Variants in WWOX observed in about 807,000 individuals in gnomAD.
WWOX encodes WW domain-containing oxidoreductase.
WWOX carries 69 observed loss-of-function variants against 46.2 expected under a neutral mutation model. That is an observed-to-expected ratio of 1.49 (90% CI 1.23 to 1.82). The LOEUF (loss-of-function observed/expected upper bound fraction) is 1.82, where lower values mean the gene tolerates loss of function less well. WWOX is among the 40% of genes most tolerant of loss of function. The probability of loss-of-function intolerance (pLI) is 0.00; values close to 1 mark genes in which losing one functional copy is unlikely to be tolerated. For missense variants in WWOX, 919 were observed against 542.6 expected (o/e 1.69, Z -6.89); for synonymous variants, 359 against 202.6 (o/e 1.77, Z -6.56).
intron 5 of WWOX, among the ~76,000 whole-genome samples, chr16:78,246,224 T>C (rs892412771): frequency 6.6e-6 from 1 of 152,222 alleles, no homozygotes. Context: ...TGTTATTACA[T>C]GGAATTAAAT....
At chr16:78,709,873 C>CA (rs1156530054) in intron 8 of WWOX, among the ~76,000 whole-genome samples, 1 of 151,912 alleles carries the variant, frequency 6.6e-6, no homozygotes, top group Non-Finnish European at 1.5e-5. Context: ...GGATTACAGG[C>CA]ACCCGCCACC....
At chr16:79,162,433 A>T (rs1230281489) in intron 8 of WWOX, among the ~76,000 whole-genome samples, 1 of 152,144 alleles carries the variant, frequency 6.6e-6, no homozygotes, top group Non-Finnish European at 1.5e-5. Context: ...CTTCTTCTGG[A>T]TTCCGTAGGT....
At chr16:79,075,320 C>T (rs993224296) in intron 8 of WWOX, among the ~76,000 whole-genome samples, 7 of 152,146 alleles carry the variant, frequency 4.6e-5, no homozygotes, top group Non-Finnish European at 7.3e-5. Context: ...GTTCAAGACA[C>T]CGGCAGATCA....
chr16:78,968,594 T>C (rs2046409840), intron 8 of WWOX, among the ~76,000 whole-genome samples: 2 of 152,198 alleles, frequency 1.3e-5, no homozygotes, highest in South Asian at 4.1e-4. Context: ...GGGGCAGGCT[T>C]TTCCCAAGGA....
intron 5 of WWOX, among the ~76,000 whole-genome samples, chr16:78,309,322 C>T (rs2080192882): frequency 1.3e-5 from 2 of 152,218 alleles, no homozygotes; most frequent in Admixed American, 6.5e-5. Flanking sequence ...TTTGCTTCCA[C>T]TCTGCCCTGA....
intron 8 of WWOX, among the ~76,000 whole-genome samples, chr16:78,862,433 A>G (rs559003737): frequency 3.3e-5 from 5 of 151,974 alleles, no homozygotes; most frequent in South Asian, 4.1e-4. Context: ...AATACAGTGT[A>G]TAATGTATAT....
chr16:78,562,153 G>C (rs1212855797), intron 8 of WWOX, among the ~76,000 whole-genome samples: 4 of 152,144 alleles, frequency 2.6e-5, no homozygotes, highest in African/African-American at 9.7e-5. Context: ...TTTGATCCAA[G>C]CTCTCTGGAA....
intron 5 of WWOX, among the ~76,000 whole-genome samples, chr16:78,265,078 C>G (rs2079334788): frequency 6.7e-6 from 1 of 150,070 alleles, no homozygotes; most frequent in Non-Finnish European, 1.5e-5. Context: ...TCAGCTCACT[C>G]CAACCTCTGC....
At chr16:78,455,913 G>C (rs1236702206) in intron 8 of WWOX, among the ~76,000 whole-genome samples, 3 of 152,146 alleles carry the variant, frequency 2.0e-5, no homozygotes, top group Non-Finnish European at 4.4e-5. Context: ...TAGTATTTGT[G>C]TTAACATTAT....
intron 8 of WWOX, among the ~76,000 whole-genome samples, chr16:79,138,657 T>C (rs533590878): frequency 1.3e-5 from 2 of 152,204 alleles, no homozygotes; most frequent in African/African-American, 4.8e-5. Context: ...GGGTCCTCCA[T>C]GTACAGCCAT....
At chr16:78,305,015 A>G (rs898936183) in intron 5 of WWOX, among the ~76,000 whole-genome samples, 2 of 148,852 alleles carry the variant, frequency 1.3e-5, no homozygotes, top group Non-Finnish European at 3.0e-5. Context: ...TTTAAAACAT[A>G]CTGATAACTT....
At chr16:78,453,922 C>T (rs1269272972) in intron 8 of WWOX, among the ~76,000 whole-genome samples, 2 of 152,064 alleles carry the variant, frequency 1.3e-5, no homozygotes, top group South Asian at 2.1e-4. Flanking sequence ...TTTTCTTTTG[C>T]ATCAATTATT....
At chr16:78,808,939 C>T (rs933454556) in intron 8 of WWOX, among the ~76,000 whole-genome samples, 2 of 151,978 alleles carry the variant, frequency 1.3e-5, no homozygotes, top group Non-Finnish European at 2.9e-5. Flanking sequence ...CTATTAGGGG[C>T]GAAATGTCAT....
Position 78,898,998 on chromosome 16 carries a change from C to G in WWOX, c.1057-312610C>G, listed in dbSNP as rs1366838917. ...TTAAAATTTATTTATTCACCTTTTC[C>G]TTTTTGTTAAATAGATTCTGTAGAA... On this transcript the variant is annotated intron_variant, in intron 8 of 8. Coordinates refer to ENST00000566780, the MANE Select transcript of WWOX (RefSeq NM_016373.4). The G allele has an allele frequency of 3.3e-5, 5 of 152,100 alleles. No individual in the cohort carries two copies. The East Asian group carries it at 7.7e-4, about 23-fold the overall frequency. The allele number at this position is 152,100 out of a possible 1,614,324, so 9.4% of individuals were successfully genotyped here.
At chr16:78,807,070 C>T (rs144908577) in intron 8 of WWOX, among the ~76,000 whole-genome samples, 448 of 152,312 alleles carry the variant, frequency 2.9e-3, no homozygotes, top group Non-Finnish European at 5.2e-3. Context: ...TTTGTGCAAG[C>T]ATCCACCAAG....
At chr16:78,905,870 C>T (rs538059750) in intron 8 of WWOX, among the ~76,000 whole-genome samples, 20 of 152,198 alleles carry the variant, frequency 1.3e-4, no homozygotes, top group African/African-American at 2.4e-4. Flanking sequence ...CCCCTCAAAA[C>T]GTGGCCCAAA....
At chr16:78,368,687 C>T (rs988681866) in intron 5 of WWOX, among the ~76,000 whole-genome samples, 3 of 152,196 alleles carry the variant, frequency 2.0e-5, no homozygotes, top group Non-Finnish European at 2.9e-5. Flanking sequence ...GTGTCCCCTC[C>T]CTTCCCCTCC....
intron 5 of WWOX, among the ~76,000 whole-genome samples, chr16:78,356,070 C>CAAAAAAAAAAA (rs1567520572): frequency 1.0e-4 from 1 of 9,594 alleles, no homozygotes; most frequent in Non-Finnish European, 3.1e-4. Context: ...TTTTTTTTTC[C>CAAAAAAAAAAA]TAAAAAAAAA....
intron 6 of WWOX, among the ~76,000 whole-genome samples, chr16:78,405,483 C>A (rs1464778191): frequency 6.6e-6 from 1 of 152,180 alleles, no homozygotes; most frequent in African/African-American, 2.4e-5. Context: ...CAAGCTGATA[C>A]TGATTTTATA....
Sources: allele counts gnomAD v4.1 joint callset (sites outside exome capture counted in the v4.1 genomes callset), GRCh38; gene constraint gnomAD v4.1.1; transcripts MANE v1.5; gene names NCBI Gene and HGNC (gene_info 2026-07-23, HGNC 2026-07-21).